Variants in FREM3 observed in about 807,000 individuals in gnomAD.
FREM3 encodes the protein FRAS1-related extracellular matrix protein 3.
FREM3 carries 105 observed loss-of-function variants against 129.1 expected under a neutral mutation model. The ratio of observed to expected loss-of-function variants is 0.81; its 90% CI spans 0.69 to 0.96. The LOEUF is 0.96. Ranked by LOEUF, FREM3 falls within the 40% of genes least tolerant of loss-of-function variation. FREM3 has a pLI of 0.00. For missense variants in FREM3, 2,593 were observed against 2,666.3 expected (o/e 0.97, Z 0.61); for synonymous variants, 1,014 against 1,044.9 (o/e 0.97, Z 0.57).
Position 143,624,159 on chromosome 4 carries a change from C to G in FREM3, c.5602G>C (p.Val1868Leu). 1.3e-6 allele frequency: 2 copies of G among 1,536,922 alleles called. No homozygotes were observed. Among genetic ancestry groups the G allele is most frequent in the Non-Finnish European group, 1.7e-6 (2 of 1,146,638 alleles). Residue 1868 changes from valine (V) to leucine (L), a missense_variant, in exon 4 of 8, where the codon GTA (valine) becomes CTA (leucine). Transcript: ENST00000329798. ...GTTGCCATTTCTGGAAACTCCAGTA[C>G]AGCCATGAGAGGTTCAGACAGAATG... ...QIILSEPLMA[V>L]LEFPEMATVE...
intron 2 of FREM3, among the ~76,000 whole-genome samples, chr4:143,689,421 C>G (rs1030948000): frequency 6.6e-5 from 10 of 152,114 alleles, no homozygotes; most frequent in Admixed American, 2.6e-4. Flanking sequence ...TCAGGGATCA[C>G]TTCTACACTG....
chr4:143,619,110 G>A (rs1738904243), intron 5 of FREM3, among the ~76,000 whole-genome samples: 1 of 152,172 alleles, frequency 6.6e-6, no homozygotes, highest in African/African-American at 2.4e-5. Flanking sequence ...ACCTTTAACT[G>A]GGCCTGCTTG....
intron 2 of FREM3, among the ~76,000 whole-genome samples, chr4:143,683,574 C>T (rs956925501): frequency 7.9e-5 from 12 of 151,642 alleles, no homozygotes; most frequent in Admixed American, 2.6e-4. Context: ...AGGGATCCAA[C>T]GGGAGAGGAG....
Position 143,577,308 on chromosome 4 carries a change from G to C in FREM3, c.*303C>G. The C allele has an allele frequency of 2.2e-6, 1 of 454,080 alleles. No homozygotes were observed. The highest frequency in any genetic ancestry group is 3.9e-6 in the Non-Finnish European group (1 of 259,466). 28.1% of individuals were successfully genotyped at this position (454,080 alleles called of 1,614,324 possible). On this transcript the variant is annotated 3_prime_UTR_variant, in exon 8 of 8. Coordinates refer to ENST00000329798, the MANE Select transcript of FREM3 (RefSeq NM_001168235.2). ...ATCAGTAAAGAGAGGTTAATTCTTT[G>C]ATCTTAACTTTTGATTTAATTGATC...
Position 143,696,396 on chromosome 4 carries a change from G to A in FREM3, c.4280C>T (p.Pro1427Leu). ...GGTGATCCTTTTGCTGATTACCTCA[G>A]GGAAGACGCTGTCTAAGTTGCCAAT... ...VTIGNLDSVF[P>L]EVISKRITLI... The change falls in exon 1 of 8, where the codon CCT becomes CTT. Residue 1427 changes from proline (P) to leucine (L), a missense_variant. Physicochemically the swap from Pro to Leu is moderately conservative, Grantham distance 98. This residue lies in a region of FREM3 where 2,276 missense variants were observed against 2,267.2 expected (regional missense o/e 1.00). Transcript: ENST00000329798. 6.5e-7 allele frequency: 1 copy of A among 1,537,472 alleles called. No homozygotes were observed. The highest frequency in any genetic ancestry group is 2.4e-5 in the East Asian group (1 of 40,914).
At position 143,699,457 on chromosome 4, in the gene FREM3, C is replaced by A; in HGVS notation, c.1219G>T (p.Glu407Ter). ...HGERLFQLELEVVDGDGAASD... is the reference protein window; with the variant it reads ...HGERLFQLEL The stretch of plus-strand genomic sequence containing the variant: ...GCGGCGCCGTCTCCGTCCACCACCT[C>A]CAGCTCCAGCTGAAAGAGGCGCTCC... Residue 407 changes from glutamate to a stop codon, truncating the protein, a stop_gained, in exon 1 of 8, where the codon GAG (glutamate) becomes TAG (stop). Transcript: ENST00000329798. LOFTEE classifies it high-confidence loss of function. This position sits in a 1 kb window ranked among gnomAD's most constrained non-coding sequence, Gnocchi z 4.2. 1 of 1,537,308 alleles carries A rather than the reference C, an allele frequency of 6.5e-7. No individual in the cohort carries two copies. Among genetic ancestry groups the A allele is most frequent in the South Asian group, 1.2e-5 (1 of 84,066 alleles).
chr4:143,661,833 A>G (rs1303241945), intron 2 of FREM3, among the ~76,000 whole-genome samples: 3 of 152,110 alleles, frequency 2.0e-5, no homozygotes, highest in Non-Finnish European at 2.9e-5. Context: ...TGTATGTGTG[A>G]AGGAATTTAT....
intron 7 of FREM3, 84 bp from the exon 8 acceptor site, chr4:143,577,936 C>A: frequency 7.2e-7 from 1 of 1,383,372 alleles, no homozygotes; most frequent in Non-Finnish European, 9.6e-7. Flanking sequence ...CTCTCACCAA[C>A]TCTGCGGCAT....
At chr4:143,587,936 T>C (rs1269197308) in intron 6 of FREM3, among the ~76,000 whole-genome samples, 7 of 152,208 alleles carry the variant, frequency 4.6e-5, no homozygotes, top group Admixed American at 3.3e-4. Flanking sequence ...GGCTCACTCT[T>C]GTATGCATGG....
intron 2 of FREM3, among the ~76,000 whole-genome samples, chr4:143,639,352 TGAG>T (rs374510937): frequency 6.6e-6 from 1 of 152,050 alleles, no homozygotes; most frequent in African/African-American, 2.4e-5. Flanking sequence ...CTGGACTGAG[TGAG>T]GAGATCTGGG....
intron 6 of FREM3, among the ~76,000 whole-genome samples, chr4:143,604,310 T>C (rs1191250402): frequency 1.3e-5 from 2 of 152,142 alleles, no homozygotes; most frequent in Admixed American, 6.5e-5. Context: ...GCCTCAGGAC[T>C]CTTTTATAGC....
intron 2 of FREM3, among the ~76,000 whole-genome samples, chr4:143,661,719 T>G (rs1739727810): frequency 6.6e-6 from 1 of 152,224 alleles, no homozygotes; most frequent in Non-Finnish European, 1.5e-5. Flanking sequence ...CATCTGGTCC[T>G]GGAGTCTTTT....
chr4:143,688,574 C>G (rs1434348874), intron 2 of FREM3, among the ~76,000 whole-genome samples: 2 of 152,146 alleles, frequency 1.3e-5, no homozygotes, highest in Non-Finnish European at 2.9e-5. Flanking sequence ...CAAAGCAAGA[C>G]TAAGCAAAAA....
intron 2 of FREM3, among the ~76,000 whole-genome samples, chr4:143,638,601 G>A (rs1739272233): frequency 6.6e-6 from 1 of 152,024 alleles, no homozygotes; most frequent in African/African-American, 2.4e-5. Context: ...TGAACTAGAG[G>A]GTCCTCTTCT....
chr4:143,607,064 T>C (rs1388589027), intron 6 of FREM3, among the ~76,000 whole-genome samples: 6 of 152,176 alleles, frequency 3.9e-5, no homozygotes, highest in Non-Finnish European at 8.8e-5. Flanking sequence ...TCTTCACTGC[T>C]GTATCCTCTA....
chr4:143,595,889 G>GGAAAAAAAAAAAAAAA lies in FREM3; in HGVS notation c.6029-9897_6029-9896insTTTTTTTTTTTTTTTC, dbSNP rs750809003. On this transcript the variant is annotated intron_variant, in intron 6 of 7. Coordinates refer to ENST00000329798, the MANE Select transcript of FREM3 (RefSeq NM_001168235.2). The stretch of plus-strand genomic sequence containing the variant: ...GGCGACAGAGCGAGACGCCATCTCA[G>GGAAAAAAAAAAAAAAA]AAAAAAAAAAAAAAAGAAGGAACTG... 3.3e-4 allele frequency among the ~76,000 whole-genome samples: 36 copies of GGAAAAAAAAAAAAAAA among 110,646 alleles called. 1 individual carries two copies. The highest frequency in any genetic ancestry group is 5.9e-4 in the South Asian group (2 of 3,384). The allele number at this position is 110,646 out of a possible 152,430, so 72.6% of individuals were successfully genotyped here.
chr4:143,602,409 C>G (rs1486369310), intron 6 of FREM3, among the ~76,000 whole-genome samples: 1 of 152,046 alleles, frequency 6.6e-6, no homozygotes, highest in Non-Finnish European at 1.5e-5. Context: ...TAAAATGATA[C>G]CATTCAAAGG....
intron 6 of FREM3, among the ~76,000 whole-genome samples, chr4:143,596,755 C>A (rs560841179): frequency 2.7e-5 from 4 of 147,192 alleles, no homozygotes; most frequent in Non-Finnish European, 6.0e-5. Context: ...GAAAACATAG[C>A]GAGATCCCAT....
chr4:143,601,693 T>G (rs1280094169), intron 6 of FREM3: 1 of 152,210 alleles, frequency 6.6e-6, no homozygotes, highest in Non-Finnish European at 1.5e-5. Flanking sequence ...AGGCAGATAC[T>G]GTGGCCTCCA....
Sources: allele counts gnomAD v4.1 joint callset (sites outside exome capture counted in the v4.1 genomes callset), GRCh38; gene constraint gnomAD v4.1.1; regional missense constraint gnomAD v4.1.1; non-coding constraint Gnocchi (gnomAD v3.1); transcripts MANE v1.5; gene names NCBI Gene and HGNC (gene_info 2026-07-23, HGNC 2026-07-21).